The following FAAH2 variants were observed in gnomAD, a reference collection of about 807,000 sequenced individuals.
FAAH2 encodes the protein fatty acid amide hydrolase 2, also known as fatty-acid amide hydrolase 2.
FAAH2 carries 60 observed loss-of-function variants against 36.9 expected under a neutral mutation model. The observed-to-expected ratio is 1.63, with a 90% CI of 1.32 to 2.02. The LOEUF is 2.02. FAAH2 is among the 30% of genes most tolerant of loss of function. The probability of loss-of-function intolerance (pLI) is 0.00; values close to 1 mark genes in which losing one functional copy is unlikely to be tolerated. For synonymous variants in FAAH2, 214 were observed against 143.8 expected (o/e 1.49, Z -3.49); for missense variants, 689 against 397.5 (o/e 1.73, Z -6.23).
intron 10 of FAAH2, among the ~76,000 whole-genome samples, chrX:57,451,154 G>A (rs935818608): frequency 1.8e-5 from 2 of 111,533 alleles, no homozygotes; most frequent in African/African-American, 3.3e-5. Context: ...TGATTTCAGA[G>A]GAAGTGATCT....
intron 10 of FAAH2, among the ~76,000 whole-genome samples, chrX:57,455,163 G>A (rs1379955693): frequency 8.9e-6 from 1 of 111,777 alleles, no homozygotes; most frequent in Non-Finnish European, 1.9e-5. Flanking sequence ...TTGTTACAGT[G>A]AAGAATTTTC....
At chrX:57,445,160 G>A (rs905258771) in intron 8 of FAAH2, among the ~76,000 whole-genome samples, 2 of 111,830 alleles carry the variant, frequency 1.8e-5, no homozygotes, top group Admixed American at 9.5e-5. Context: ...AGAGGATTGA[G>A]TGTTGTCCTG....
intron 10 of FAAH2, among the ~76,000 whole-genome samples, chrX:57,474,282 C>CCTGCA (rs1439532263): frequency 1.8e-5 from 2 of 111,014 alleles, no homozygotes; most frequent in Non-Finnish European, 3.8e-5. Context: ...ATGGTGGTTT[C>CCTGCA]CTGCACCTAT....
At chrX:57,384,891 C>T (rs997491914) in intron 7 of FAAH2, among the ~76,000 whole-genome samples, 59 of 110,893 alleles carry the variant, frequency 5.3e-4, no homozygotes, top group East Asian at 5.7e-4. Flanking sequence ...AAATGTCCAA[C>T]AATGATAGAC....
chrX:57,264,128 A>C, the FAAH2 span, among the ~76,000 whole-genome samples: 1 of 112,227 alleles, frequency 8.9e-6, no homozygotes, highest in Admixed American at 9.5e-5. Context: ...AGAAAAAAAT[A>C]GGAGAAAATT....
At chrX:57,330,033 G>A (rs926010816) in intron 3 of FAAH2, among the ~76,000 whole-genome samples, 1 of 111,356 alleles carries the variant, frequency 9.0e-6, no homozygotes, top group African/African-American at 3.3e-5. Flanking sequence ...TGTGATGATT[G>A]CGTTAACTGC....
intron 4 of FAAH2, among the ~76,000 whole-genome samples, chrX:57,333,585 GC>G (rs2053463555): frequency 1.5e-5 from 1 of 68,098 alleles, no homozygotes; most frequent in African/African-American, 4.9e-5. Flanking sequence ...AGAATCAAAA[GC>G]AAATGCTAGA....
chrX:57,216,612 A>ATATATGTATATATATG, the FAAH2 span, among the ~76,000 whole-genome samples: 1 of 4,312 alleles, frequency 2.3e-4, no homozygotes, highest in Non-Finnish European at 1.5e-3. Context: ...ATATATACGT[A>ATATATGTATATATATG]TATATATATA....
the FAAH2 span, among the ~76,000 whole-genome samples, chrX:57,269,595 T>A: frequency 3.6e-5 from 4 of 111,716 alleles, no homozygotes; most frequent in African/African-American, 1.3e-4. Context: ...TATAATTATA[T>A]GGATATTGAA....
chrX:57,290,280 A>G (rs2051937681), intron 1 of FAAH2: 2 of 744,416 alleles, frequency 2.7e-6, no homozygotes, highest in South Asian at 7.0e-5. Flanking sequence ...TTGGGGTTGT[A>G]TACGTTGATG....
chrX:57,378,704 T>A lies in FAAH2; in HGVS notation c.796T>A (p.Phe266Ile). ...FPLAVGAQEL[F>I]LCTGPMCRYA... ...CTTGGCTGTGGGAGCCCAGGAGTTG[T>A]TTCTGTGCACTGGTCCTATGTGCCG... Residue 266 changes from phenylalanine (F) to isoleucine (I), a missense_variant, in exon 6 of 11, where the codon TTT becomes ATT. Transcript: ENST00000374900. The A allele has an allele frequency of 8.3e-7, 1 of 1,211,186 alleles. No individual in the cohort carries two copies. The highest frequency in any genetic ancestry group is 1.1e-6 in the Non-Finnish European group (1 of 895,191).
At chrX:57,327,486 A>G (rs1201132245) in intron 3 of FAAH2, among the ~76,000 whole-genome samples, 1 of 109,461 alleles carries the variant, frequency 9.1e-6, no homozygotes, top group African/African-American at 3.3e-5. Context: ...CCAATCAGAC[A>G]TAGATTTGGT....
At chrX:57,485,224 T>C (rs1049959426) in intron 10 of FAAH2, among the ~76,000 whole-genome samples, 3 of 111,832 alleles carry the variant, frequency 2.7e-5, no homozygotes, top group Non-Finnish European at 5.6e-5. Context: ...CACAGGTAGG[T>C]GCCAGGCCTC....
intron 7 of FAAH2, among the ~76,000 whole-genome samples, chrX:57,423,887 G>T (rs1175341602): frequency 9.0e-6 from 1 of 111,541 alleles, no homozygotes; most frequent in African/African-American, 3.3e-5. Context: ...GCTCAAGCTT[G>T]AACCCCACAG....
At chrX:57,436,231 G>T (rs2056407181) in intron 8 of FAAH2, among the ~76,000 whole-genome samples, 1 of 110,821 alleles carries the variant, frequency 9.0e-6, no homozygotes, top group Admixed American at 9.7e-5. Flanking sequence ...CCAAAGGGAT[G>T]TTCATAGTAT....
chrX:57,230,336 A>G, the FAAH2 span, among the ~76,000 whole-genome samples: 1 of 112,315 alleles, frequency 8.9e-6, no homozygotes, highest in Admixed American at 9.4e-5. Context: ...GTATCAAAGA[A>G]ACATCAGGAA....
intron 3 of FAAH2, among the ~76,000 whole-genome samples, chrX:57,312,557 G>T (rs754347769): frequency 4.5e-5 from 5 of 110,380 alleles, no homozygotes; most frequent in Non-Finnish European, 7.6e-5. Flanking sequence ...GCGGGCATCT[G>T]TAGTCCCAGC....
chrX:57,411,232 G>A (rs1449908410), intron 7 of FAAH2, among the ~76,000 whole-genome samples: 2 of 111,904 alleles, frequency 1.8e-5, no homozygotes, highest in East Asian at 5.6e-4. Context: ...GCGAGACCTG[G>A]TGCTCTGACC....
At chrX:57,198,227 T>C in the FAAH2 span, among the ~76,000 whole-genome samples, 1 of 111,638 alleles carries the variant, frequency 9.0e-6, no homozygotes, top group Admixed American at 9.5e-5. Flanking sequence ...GAGTTCAGAC[T>C]CTTCTTTGGT....
Sources: allele counts gnomAD v4.1 joint callset (sites outside exome capture counted in the v4.1 genomes callset), GRCh38; gene constraint gnomAD v4.1.1; transcripts MANE v1.5; gene names NCBI Gene and HGNC (gene_info 2026-07-23, HGNC 2026-07-21).